Variants in VXN observed in about 807,000 individuals in gnomAD.
VXN encodes uncharacterized protein C8orf46.
Under a neutral mutation model 23.1 loss-of-function variants are expected in VXN, and 7 were observed. The observed-to-expected ratio is 0.30, with a 90% CI of 0.17 to 0.57. The LOEUF (loss-of-function observed/expected upper bound fraction) is 0.57, where lower values mean the gene tolerates loss of function less well. Ranked by LOEUF, VXN falls within the 20% of genes least tolerant of loss-of-function variation. The pLI, the probability that VXN is intolerant of heterozygous loss-of-function variation, is 0.91. For synonymous variants in VXN, 120 were observed against 105.8 expected, an observed-to-expected ratio of 1.13 and a Z score of -0.83; for missense variants, 238 against 272.6, an observed-to-expected ratio of 0.87 and a Z score of 0.89.
At chr8:66,512,447 C>G (rs1364631069) in intron 4 of VXN, among the ~76,000 whole-genome samples, 1 of 152,154 alleles carries the variant, frequency 6.6e-6, no homozygotes, top group African/African-American at 2.4e-5. Context: ...GAATTTCCAG[C>G]AATTTTAGGA....
In VXN at chr8:66,500,939, T is replaced by G. The variant is rs527315841; in HGVS notation, c.127-4436T>G. ...CCCAGGCTGGAGTGCCATGGCGTGA[T>G]CTCAGCTCACTGCAACCTCCGCCTC... On this transcript the variant is annotated intron_variant, in intron 2 of 5. Transcript: ENST00000305454. Among the ~76,000 whole-genome samples the G allele has an allele frequency of 2.0e-5, 3 of 149,638 alleles. No individual in the cohort carries two copies. The East Asian group carries it at 5.9e-4, about 29-fold the overall frequency.
intron 5 of VXN, among the ~76,000 whole-genome samples, chr8:66,514,879 C>T (rs568225318): frequency 6.6e-5 from 10 of 152,280 alleles, no homozygotes; most frequent in South Asian, 4.1e-4. Flanking sequence ...TCAGCCTGAG[C>T]GCTGCACACT....
chr8:66,512,006 C>T (rs1374881994), intron 4 of VXN, among the ~76,000 whole-genome samples: 2 of 146,834 alleles, frequency 1.4e-5, no homozygotes, highest in East Asian at 4.0e-4. Context: ...GCAGAGTTTG[C>T]AGTGAGCCAA....
At position 66,498,919 on chromosome 8, in the gene VXN, G is replaced by GTA. The variant is rs1807657593; in HGVS notation, c.126+2429_126+2430dup. ...AGAAGCTGCAGAAGAGAGGGGTTAGGTATGTAGACTTCAGAGTCAAATGGC... is the reference window on the plus strand; with the variant it reads ...AGAAGCTGCAGAAGAGAGGGGTTAGGTATATGTAGACTTCAGAGTCAAATGGC... On this transcript the variant is annotated intron_variant, in intron 2 of 5. Transcript: ENST00000305454. 7.2e-6 allele frequency: 3 copies of GTA among 415,592 alleles called. No homozygotes were observed. The East Asian group carries it at 2.1e-4, about 29-fold the overall frequency. The allele number at this position is 415,592 out of a possible 1,614,324, so 25.7% of individuals were successfully genotyped here.
At chr8:66,510,293 A>C in intron 4 of VXN, 136 bp downstream of exon 4, 1 of 719,948 alleles carries the variant, frequency 1.4e-6, no homozygotes, top group East Asian at 2.9e-5. Context: ...CATAACTGGC[A>C]GTTCTTTGCT....
intron 2 of VXN, among the ~76,000 whole-genome samples, chr8:66,497,880 C>T (rs1586515358): frequency 6.6e-6 from 1 of 151,756 alleles, no homozygotes; most frequent in African/African-American, 2.4e-5. Context: ...AAAAAATTAG[C>T]CAGGCGGCCA....
intron 4 of VXN, 162 bp downstream of exon 4, chr8:66,510,319 T>A: frequency 1.6e-6 from 1 of 613,082 alleles, no homozygotes; most frequent in East Asian, 3.0e-5. Context: ...AAGCTCTCAG[T>A]TGGCCCTAAT....
chr8:66,515,763 C>T (rs547175034), intron 5 of VXN, 130 bp from the exon 6 acceptor site: 196 of 771,728 alleles, frequency 2.5e-4, no homozygotes, highest in Non-Finnish European at 3.5e-4. Flanking sequence ...AGTGACCTTA[C>T]AGCTACGTGG....
Position 66,517,809 on chromosome 8 carries a change from G to A in VXN, c.*1733G>A, listed in dbSNP as rs1419744153. The A allele has an allele frequency of 6.6e-6, 1 of 152,246 alleles. No individual in the cohort carries two copies. Among genetic ancestry groups the A allele is most frequent in the African/African-American group, 2.4e-5 (1 of 41,474 alleles). The allele number at this position is 152,246 out of a possible 1,614,324, so 9.4% of individuals were successfully genotyped here. On this transcript the variant is annotated 3_prime_UTR_variant, in exon 6 of 6. Transcript: ENST00000305454. ...TTGCCATATGTTGATACAAAGAAGT[G>A]TTTGGCCACATTACAGGTCTCAGAC... is the stretch of plus-strand genomic sequence containing the variant.
Position 66,518,360 on chromosome 8 carries a change from C to A in VXN, c.*2284C>A, listed in dbSNP as rs750626250. The stretch of plus-strand genomic sequence containing the variant: ...AACTTATTTCATTTATAACTGGTAT[C>A]TTTCATTTGTATGTGGCAGCTAGAG... On this transcript the variant is annotated 3_prime_UTR_variant, in exon 6 of 6. Transcript: ENST00000305454. 2 of 152,188 alleles carry A rather than the reference C, an allele frequency of 1.3e-5. No individual in the cohort carries two copies. Among genetic ancestry groups the A allele is most frequent in the Non-Finnish European group, 2.9e-5 (2 of 68,034 alleles). The allele number at this position is 152,188 out of a possible 1,614,324, so 9.4% of individuals were successfully genotyped here.
intron 3 of VXN, 54 bp from the exon 4 acceptor site, chr8:66,510,042 G>A (rs1807803888): frequency 1.3e-6 from 2 of 1,516,532 alleles, no homozygotes; most frequent in Non-Finnish European, 1.8e-6. Flanking sequence ...AGGGCCAGTG[G>A]GAGGCAGAAC....
chr8:66,494,835 A>C (rs1278999309), intron 1 of VXN: 1 of 152,138 alleles, frequency 6.6e-6, no homozygotes, highest in Non-Finnish European at 1.5e-5. Context: ...GGTGGCATTG[A>C]TTCTAAGAAG....
At chr8:66,515,795 CAGAGG>C (rs920412511) in intron 5 of VXN, 93 bp from the exon 6 acceptor site, 2 of 1,030,846 alleles carry the variant, frequency 1.9e-6, no homozygotes, top group African/African-American at 3.3e-5. Context: ...TGAGGAGGAG[CAGAGG>C]AGAGAGAGCT....
intron 3 of VXN, among the ~76,000 whole-genome samples, chr8:66,509,761 T>C (rs548120105): frequency 6.6e-6 from 1 of 152,328 alleles, no homozygotes; most frequent in South Asian, 2.1e-4. Flanking sequence ...ACAGCAAAAT[T>C]GAGCTGAAGG....
intron 3 of VXN, among the ~76,000 whole-genome samples, chr8:66,508,402 C>T (rs75130790): frequency 0.014 from 2,059 of 152,246 alleles, 46 homozygotes; most frequent in African/African-American, 0.045. Flanking sequence ...CCCCTGTGCT[C>T]CCTCAGCTTT....
In VXN at chr8:66,517,273, C is replaced by A. The variant is rs1807908646; in HGVS notation, c.*1197C>A. ...ATAATGATGATAATGATACTTATAG[C>A]TATCATCTATTAAATGCCTATGTTT... On this transcript the variant is annotated 3_prime_UTR_variant, in exon 6 of 6. Coordinates refer to ENST00000305454, the MANE Select transcript of VXN (RefSeq NM_152765.4). 1 of 152,188 alleles carries A rather than the reference C, an allele frequency of 6.6e-6. No homozygotes were observed. The highest frequency in any genetic ancestry group is 2.1e-4 in the South Asian group (1 of 4,828). The allele number at this position is 152,188 out of a possible 1,614,324, so 9.4% of individuals were successfully genotyped here.
intron 2 of VXN, among the ~76,000 whole-genome samples, chr8:66,500,673 C>T (rs1306924797): frequency 1.3e-5 from 2 of 152,054 alleles, no homozygotes; most frequent in East Asian, 3.9e-4. Flanking sequence ...CCACCCTTTC[C>T]CTCTTCCCTT....
At chr8:66,515,244 C>T (rs922719472) in intron 5 of VXN, among the ~76,000 whole-genome samples, 2 of 152,208 alleles carry the variant, frequency 1.3e-5, no homozygotes, top group South Asian at 2.1e-4. Context: ...TCTCTCTAAA[C>T]TCAGTCATTG....
intron 5 of VXN, among the ~76,000 whole-genome samples, chr8:66,514,859 GA>G (rs2130561764): frequency 6.6e-6 from 1 of 152,312 alleles, no homozygotes; most frequent in African/African-American, 2.4e-5. Flanking sequence ...CGGGGCTCCA[GA>G]CTACACTGTC....
Sources: gnomAD v4.1 joint callset for allele counts (sites outside exome capture counted in the v4.1 genomes callset) on GRCh38, gnomAD v4.1.1 for gene constraint, MANE v1.5 for transcripts, NCBI Gene and HGNC (gene_info 2026-07-23, HGNC 2026-07-21) for gene names.